The following FMN1 variants were observed in gnomAD, a reference collection of about 807,000 sequenced individuals.
FMN1 encodes formin 1, also known as formin-1.
Under a neutral mutation model 132.4 loss-of-function variants are expected in FMN1, and 110 were observed. That is an observed-to-expected ratio of 0.83 (90% CI 0.71 to 0.97). FMN1 has a LOEUF of 0.97. Among genes scored for constraint, FMN1 ranks in the 50% least tolerant of loss-of-function variants. The pLI is 0.00. For missense variants in FMN1, 1,792 were observed against 1,705.3 expected (o/e 1.05, Z -0.90); for synonymous variants, 722 against 651.7 (o/e 1.11, Z -1.64).
Position 32,857,044 on chromosome 15 carries a change from T to C in FMN1, c.3899A>G (p.Lys1300Arg). 5.0e-6 allele frequency: 8 copies of C among 1,613,840 alleles called. No homozygotes were observed. The highest frequency in any genetic ancestry group is 6.8e-6 in the Non-Finnish European group (8 of 1,179,718). ...TTGGAAGAACTCCTCTAGTTTGTCCTTGAAAGGCTGGAGATACTCCTTTGG... is the reference window on the plus strand; with the variant it reads ...TTGGAAGAACTCCTCTAGTTTGTCCCTGAAAGGCTGGAGATACTCCTTTGG... ...ESPKEYLQPFKDKLEEFFQKA... is the reference protein window; with the variant it reads ...ESPKEYLQPFRDKLEEFFQKA... Residue 1300 changes from lysine (K) to arginine (R), a missense_variant, in exon 17 of 21, where the codon AAG (lysine) becomes AGG (arginine). Physicochemically the swap from Lys to Arg is conservative, Grantham distance 26 (BLOSUM62 2). Coordinates refer to ENST00000616417, the MANE Select transcript of FMN1 (RefSeq NM_001277313.2).
intron 19 of FMN1, among the ~76,000 whole-genome samples, chr15:32,778,700 T>C (rs1384020365): frequency 6.6e-6 from 1 of 152,110 alleles, no homozygotes; most frequent in African/African-American, 2.4e-5. Context: ...CCTTATACAC[T>C]GTTGATGTGA....
chr15:32,786,337 T>C (rs1290693359), intron 19 of FMN1, among the ~76,000 whole-genome samples: 1 of 152,192 alleles, frequency 6.6e-6, no homozygotes, highest in Non-Finnish European at 1.5e-5. Context: ...AAAAAAGGTA[T>C]TGGCCCTCAC....
At chr15:32,918,969 TAG>T (rs1185537267) in intron 10 of FMN1, among the ~76,000 whole-genome samples, 1 of 152,156 alleles carries the variant, frequency 6.6e-6, no homozygotes, top group Non-Finnish European at 1.5e-5. Context: ...AGGAAAATAT[TAG>T]AGTGACTACT....
chr15:33,046,789 T>C (rs2036706145), intron 6 of FMN1, among the ~76,000 whole-genome samples: 1 of 152,178 alleles, frequency 6.6e-6, no homozygotes, highest in East Asian at 1.9e-4. Context: ...ATGGTAAAAA[T>C]CACTGTTTAT....
chr15:33,066,899 TCA>T, intron 5 of FMN1: 1 of 1,613,960 alleles, frequency 6.2e-7, no homozygotes, highest in East Asian at 2.2e-5. Flanking sequence ...TGCTTTCTTC[TCA>T]CTCTTCACTG....
intron 3 of FMN1, among the ~76,000 whole-genome samples, chr15:33,167,979 T>C (rs984870792): frequency 6.6e-6 from 1 of 152,194 alleles, no homozygotes; most frequent in Non-Finnish European, 1.5e-5. Context: ...ATAACTTTTA[T>C]TGAAAAAAAT....
chr15:33,135,679 T>G (rs1963734725), intron 4 of FMN1, among the ~76,000 whole-genome samples: 1 of 152,232 alleles, frequency 6.6e-6, no homozygotes, highest in African/African-American at 2.4e-5. Context: ...CTCTCTCTGT[T>G]GGAATGCTAG....
intron 17 of FMN1, among the ~76,000 whole-genome samples, chr15:32,823,276 T>C (rs953085251): frequency 1.3e-5 from 2 of 149,320 alleles, no homozygotes; most frequent in East Asian, 4.0e-4. Context: ...ATTCTCCTGC[T>C]TCAGCCTCCC....
At chr15:32,949,774 C>T (rs1175025882) in intron 9 of FMN1, among the ~76,000 whole-genome samples, 1 of 150,894 alleles carries the variant, frequency 6.6e-6, no homozygotes, top group Non-Finnish European at 1.5e-5. Flanking sequence ...AGACAACCTA[C>T]AGAATGGGAG....
intron 4 of FMN1, among the ~76,000 whole-genome samples, chr15:33,121,112 G>A (rs951764253): frequency 1.5e-5 from 2 of 136,886 alleles, no homozygotes; most frequent in African/African-American, 4.9e-5. Context: ...GTTGTAACAA[G>A]AGTATACAAT....
chr15:33,020,910 G>A (rs1469606697), intron 6 of FMN1, among the ~76,000 whole-genome samples: 1 of 152,138 alleles, frequency 6.6e-6, no homozygotes, highest in African/African-American at 2.4e-5. Flanking sequence ...GTGAACGACT[G>A]GAACTTTAAC....
chr15:33,086,680 A>T (rs1341557954), intron 5 of FMN1, among the ~76,000 whole-genome samples: 1 of 152,232 alleles, frequency 6.6e-6, no homozygotes, highest in Non-Finnish European at 1.5e-5. Flanking sequence ...AAAGTAATTG[A>T]CCAACAGATG....
chr15:32,845,977 C>T (rs1168262741), intron 17 of FMN1, among the ~76,000 whole-genome samples: 3 of 150,660 alleles, frequency 2.0e-5, no homozygotes, highest in South Asian at 4.2e-4. Flanking sequence ...AAAAAGGCCC[C>T]AAGAACTTAA....
intron 10 of FMN1, among the ~76,000 whole-genome samples, chr15:32,925,675 G>A (rs1415724237): frequency 1.3e-5 from 2 of 152,086 alleles, no homozygotes; most frequent in Non-Finnish European, 2.9e-5. Flanking sequence ...CAAACAACAG[G>A]GACATTAGAA....
At position 32,771,295 on chromosome 15, in the gene FMN1, G is replaced by C. The variant is rs1400104794; in HGVS notation, c.*3015C>G. On this transcript the variant is annotated 3_prime_UTR_variant, in exon 21 of 21. Transcript: ENST00000616417. The stretch of plus-strand genomic sequence containing the variant: ...GGGTTTCACCGTGTTAGCCAGGATG[G>C]TCTCAATCTCCTGACCTCGTGATCC... The C allele has an allele frequency of 6.6e-6, 1 of 151,496 alleles. No individual in the cohort carries two copies. The highest frequency in any genetic ancestry group is 2.4e-5 in the African/African-American group (1 of 41,186). 9.4% of individuals were successfully genotyped at this position (151,496 alleles called of 1,614,324 possible).
intron 17 of FMN1, among the ~76,000 whole-genome samples, chr15:32,843,096 T>C (rs1036809729): frequency 6.7e-5 from 10 of 148,586 alleles, no homozygotes; most frequent in Middle Eastern, 3.6e-3. Flanking sequence ...CATTGCACTC[T>C]AGCCTGGGCA....
intron 4 of FMN1, among the ~76,000 whole-genome samples, chr15:33,109,202 T>C (rs992493147): frequency 6.0e-4 from 92 of 152,128 alleles, no homozygotes; most frequent in African/African-American, 2.0e-3. Context: ...TTAACGAATG[T>C]CTTTGTTCTA....
chr15:32,943,278 C>T (rs1364726061), intron 9 of FMN1, among the ~76,000 whole-genome samples: 1 of 152,176 alleles, frequency 6.6e-6, no homozygotes, highest in Non-Finnish European at 1.5e-5. Flanking sequence ...TGAACAACAG[C>T]GTGGAGAATT....
intron 19 of FMN1, among the ~76,000 whole-genome samples, chr15:32,792,813 G>T (rs6494683): frequency 1.3e-5 from 2 of 151,992 alleles, no homozygotes; most frequent in Non-Finnish European, 2.9e-5. Context: ...TAGACCTGAC[G>T]TGTGCCCCCT....
Sources: allele counts gnomAD v4.1 joint callset (sites outside exome capture counted in the v4.1 genomes callset), GRCh38; gene constraint gnomAD v4.1.1; transcripts MANE v1.5; gene names NCBI Gene and HGNC (gene_info 2026-07-23, HGNC 2026-07-21).